CASP1: variants seen among roughly 807,000 people sequenced by gnomAD.
CASP1 encodes the protein caspase-1.
Under a neutral mutation model 41.2 loss-of-function variants are expected in CASP1, and 31 were observed. The observed-to-expected ratio is 0.75, with a 90% confidence interval of 0.57 to 1.02. The LOEUF (loss-of-function observed/expected upper bound fraction) is 1.02, where lower values mean the gene tolerates loss of function less well. Among genes scored for constraint, CASP1 ranks in the 50% least tolerant of loss-of-function variants. The pLI, the probability that CASP1 is intolerant of heterozygous loss-of-function variation, is 0.00. For synonymous variants in CASP1, 163 were observed against 166.5 expected (o/e 0.98, Z 0.16); for missense variants, 490 against 495.7 (o/e 0.99, Z 0.11).
At chr11:105,035,289 G>A, upstream of CASP1, 2 of 859,346 alleles carry the variant, frequency 2.3e-6, no homozygotes, top group Non-Finnish European at 3.7e-6. Flanking sequence ...TGTATCCATG[G>A]GAAATTTTCT....
intron 7 of CASP1, among the ~76,000 whole-genome samples, 166 bp downstream of exon 7, chr11:105,028,958 A>G (rs1439152749): frequency 6.6e-6 from 1 of 152,178 alleles, no homozygotes; most frequent in Non-Finnish European, 1.5e-5. Flanking sequence ...TTAGTAATGC[A>G]TTGAACAGAT....
At chr11:105,036,678 C>G (rs1284489592), upstream of CASP1, among the ~76,000 whole-genome samples, 1 of 152,172 alleles carries the variant, frequency 6.6e-6, no homozygotes, top group Non-Finnish European at 1.5e-5. Flanking sequence ...CCATGTGGAA[C>G]TGTGAGTCTA....
chr11:105,031,349 T>G, intron 3 of CASP1, 69 bp from the exon 4 acceptor site: 1 of 854,660 alleles, frequency 1.2e-6, no homozygotes, highest in Non-Finnish European at 2.0e-6. Context: ...TGTTACAGCC[T>G]CACCTATGGA....
At chr11:105,035,045 G>T (rs376222697) in intron 1 of CASP1, 62 bp downstream of exon 1, 1 of 1,606,154 alleles carries the variant, frequency 6.2e-7, no homozygotes, top group South Asian at 1.1e-5. Flanking sequence ...TTCCAGAAGA[G>T]CCAGCCCCTT....
At chr11:105,027,899 T>A (rs1863420619) in intron 7 of CASP1, among the ~76,000 whole-genome samples, 1 of 152,106 alleles carries the variant, frequency 6.6e-6, no homozygotes, top group Non-Finnish European at 1.5e-5. Flanking sequence ...ACATGGAAGT[T>A]ATAGATAACT....
chr11:105,035,600 C>T (rs1213002825), upstream of CASP1, among the ~76,000 whole-genome samples: 1 of 86,616 alleles, frequency 1.2e-5, no homozygotes, highest in African/African-American at 4.1e-5. Flanking sequence ...CTTCTTTTCA[C>T]ATTGCTTTTT....
Position 105,030,329 on chromosome 11 carries a change from C to A in CASP1, c.627+1G>T. 1.2e-6 allele frequency: 2 copies of A among 1,610,410 alleles called. No individual in the cohort carries two copies. Among genetic ancestry groups the A allele is most frequent in the Non-Finnish European group, 1.7e-6 (2 of 1,177,870 alleles). ...TGTTTCTGTTGTATAATAGAACTTA[C>A]CGAAGCAGTGAGATTTTTTTTCACA... On this transcript the variant is annotated splice_donor_variant, in intron 5 of 8. Coordinates refer to ENST00000533400, the MANE Select transcript of CASP1 (RefSeq NM_001257118.3). LOFTEE classifies it high-confidence loss of function.
At position 105,029,837 on chromosome 11, in the gene CASP1, C is replaced by G; in HGVS notation, c.690G>C (p.Thr230=). ...TACCATGAGACATGAACACCAGGAA[C>G]GTGCTGTCAGAGGTCTTGTGCTCTG... The part of the protein sequence containing the change: ...HRPEHKTSDS[T]FLVFMSHGIR... The change falls in exon 6 of 9, where the codon ACG becomes ACC. Residue 230 remains threonine (T), a synonymous_variant. Coordinates refer to ENST00000533400, the MANE Select transcript of CASP1 (RefSeq NM_001257118.3). 6.2e-7 allele frequency: 1 copy of G among 1,613,802 alleles called. No individual in the cohort carries two copies. Among genetic ancestry groups the G allele is most frequent in the South Asian group, 1.1e-5 (1 of 91,080 alleles).
At chr11:105,035,593 C>G (rs904666501), upstream of CASP1, among the ~76,000 whole-genome samples, 4 of 110,656 alleles carry the variant, frequency 3.6e-5, no homozygotes, top group African/African-American at 1.3e-4. Context: ...TAATGTCCTT[C>G]TTTTCACATT....
intron 4 of CASP1, 115 bp from the exon 5 acceptor site, chr11:105,030,618 A>C: frequency 1.2e-6 from 1 of 813,802 alleles, no homozygotes; most frequent in Non-Finnish European, 1.9e-6. Context: ...AACCCCATGA[A>C]CCATACATTG....
Position 105,028,845 on chromosome 11 carries a change from A to C in CASP1, c.1006+279T>G, listed in dbSNP as rs561187682. ...CTCAACATGGCAGAATTTTCTATGC[A>C]GAGTCAGATTCTAATGTACTACAGC... On this transcript the variant is annotated intron_variant, in intron 7 of 8. Transcript: ENST00000533400. Among the ~76,000 whole-genome samples the C allele has an allele frequency of 2.0e-5, 3 of 152,298 alleles. No homozygotes were observed. In the South Asian group the frequency reaches 6.2e-4, roughly 32 times the overall value.
rs933653341 is a variant in CASP1 at position 105,030,972 on chromosome 11, A to G, written c.453+193T>C. The G allele has an allele frequency of 5.6e-6, 3 of 539,050 alleles. No homozygotes were observed. The African/African-American group carries it at 5.7e-5, about 10-fold the overall frequency. 33.4% of individuals were successfully genotyped at this position (539,050 alleles called of 1,614,324 possible). On this transcript the variant is annotated intron_variant, in intron 4 of 8. Transcript: ENST00000533400. Reference sequence around the variant, plus strand: ...CATCACTGATGTTATTTACCCCGGAAGTGGATCCAATTTGGACCTCTTTCT... The same window carrying G: ...CATCACTGATGTTATTTACCCCGGAGGTGGATCCAATTTGGACCTCTTTCT...
Position 105,029,859 on chromosome 11 carries a change from T to C in CASP1, c.668A>G (p.Glu223Gly). Residue 223 changes from glutamate (E) to glycine (G), a missense_variant, in exon 6 of 9, where the codon GAG (glutamate) becomes GGG (glycine). Transcript: ENST00000533400. ...GAACGTGCTGTCAGAGGTCTTGTGC[T>C]CTGGGCGGTGTGCAAATGCCTCCAG... ...TELEAFAHRPEHKTSDSTFLV... is the reference protein window; with the variant it reads ...TELEAFAHRPGHKTSDSTFLV... 1.9e-6 allele frequency: 3 copies of C among 1,613,804 alleles called. No homozygotes were observed. The South Asian group carries it at 3.3e-5, about 18-fold the overall frequency.
At chr11:105,029,388 G>T in intron 6 of CASP1, 121 bp from the exon 7 acceptor site, 1 of 777,328 alleles carries the variant, frequency 1.3e-6, no homozygotes. Context: ...CATGCAAATA[G>T]ACACATGCAT....
chr11:105,030,913 C>A (rs757218538), intron 4 of CASP1: 78 of 437,004 alleles, frequency 1.8e-4, no homozygotes, highest in Admixed American at 9.2e-4. Flanking sequence ...ATGCTTAGAA[C>A]AATGCCCATT....
chr11:105,026,559 G>C (rs949200632), intron 8 of CASP1: 25 of 599,448 alleles, frequency 4.2e-5, no homozygotes, highest in Non-Finnish European at 7.4e-5. Flanking sequence ...TCTGCTGCTG[G>C]ATCTAATAGC....
intron 2 of CASP1, chr11:105,033,849 G>T (rs1252954287): frequency 1.7e-6 from 1 of 585,406 alleles, no homozygotes; most frequent in East Asian, 4.1e-5. Flanking sequence ...AACTACATAA[G>T]TGCCTACAGA....
Position 105,033,067 on chromosome 11 carries a change from G to A in CASP1, c.334C>T (p.Pro112Ser). Residue 112 changes from proline to serine, a missense_variant, in exon 3 of 9, where the codon CCA (proline) becomes TCA (serine). Coordinates refer to ENST00000533400, the MANE Select transcript of CASP1 (RefSeq NM_001257118.3). ...CTTCCTTTAAAAACAGCATTACCTG[G>A]AAAGGAAGAAAGTACTCCTTGAGAG... is the stretch of plus-strand genomic sequence containing the variant. ...QDSQGVLSSFPAPQAVQDNPA... is the reference protein window; with the variant it reads ...QDSQGVLSSFSAPQAVQDNPA... 2 of 1,567,370 alleles carry A rather than the reference G, an allele frequency of 1.3e-6. No individual in the cohort carries two copies. Among genetic ancestry groups the A allele is most frequent in the South Asian group, 2.2e-5 (2 of 89,500 alleles).
At position 105,029,849 on chromosome 11, in the gene CASP1, G is replaced by A. The variant is rs1863568105; in HGVS notation, c.678C>T (p.Thr226=). The A allele has an allele frequency of 1.2e-6, 2 of 1,613,788 alleles. No individual in the cohort carries two copies. The highest frequency in any genetic ancestry group is 1.1e-5 in the South Asian group (1 of 91,080). ...TGAACACCAGGAACGTGCTGTCAGA[G>A]GTCTTGTGCTCTGGGCGGTGTGCAA... The part of the protein sequence containing the change: ...EAFAHRPEHK[T]SDSTFLVFMS... Residue 226 remains threonine (T), a synonymous_variant, in exon 6 of 9, where the codon ACC becomes ACT. Coordinates refer to ENST00000533400, the MANE Select transcript of CASP1 (RefSeq NM_001257118.3).
Sources: gnomAD v4.1 joint callset for allele counts (sites outside exome capture counted in the v4.1 genomes callset) on GRCh38, gnomAD v4.1.1 for gene constraint, MANE v1.5 for transcripts, NCBI Gene and HGNC (gene_info 2026-07-23, HGNC 2026-07-21) for gene names.